Variants in CHRM3 observed in about 807,000 individuals in gnomAD.
CHRM3 encodes muscarinic acetylcholine receptor M3.
A neutral mutation model predicts 41.8 loss-of-function variants in CHRM3; 11 were observed. The ratio of observed to expected loss-of-function variants is 0.26; its 90% CI spans 0.17 to 0.44. The LOEUF (loss-of-function observed/expected upper bound fraction) is 0.44, where lower values mean the gene tolerates loss of function less well. Among genes scored for constraint, CHRM3 ranks in the 20% least tolerant of loss-of-function variants. The probability of loss-of-function intolerance (pLI) is 1.00; values close to 1 mark genes in which losing one functional copy is unlikely to be tolerated. For synonymous variants in CHRM3, 297 were observed against 301.4 expected, an observed-to-expected ratio of 0.99 and a Z score of 0.15; for missense variants, 571 against 745.4, an observed-to-expected ratio of 0.77 and a Z score of 2.72.
intron 5 of CHRM3, among the ~76,000 whole-genome samples, chr1:239,805,283 A>G (rs1289215101): frequency 6.6e-6 from 1 of 152,190 alleles, no homozygotes; most frequent in East Asian, 1.9e-4. Context: ...GTGTTACCTA[A>G]GAGGGATATG....
intron 3 of CHRM3, among the ~76,000 whole-genome samples, chr1:239,603,666 G>A (rs12118974): frequency 0.81 from 123,648 of 151,966 alleles, 52,961 homozygotes; most frequent in Non-Finnish European, 0.93. Flanking sequence ...GGAAATATTA[G>A]ATATTTCATG....
intron 4 of CHRM3, among the ~76,000 whole-genome samples, chr1:239,637,925 AC>A (rs1355613194): frequency 1.3e-5 from 1 of 74,646 alleles, no homozygotes; most frequent in Non-Finnish European, 2.3e-5. Context: ...CCCCCACCCC[AC>A]AACAGTCCCC....
Position 239,386,952 on chromosome 1 carries a change from G to C in CHRM3, c.-796G>C, listed in dbSNP as rs983298720. ...CGCGCGGCCGCAGCTGCCCGCGGGCGGAGCGCTCTCAGACCCCGGAGCGCA... is the reference window on the plus strand; with the variant it reads ...CGCGCGGCCGCAGCTGCCCGCGGGCCGAGCGCTCTCAGACCCCGGAGCGCA... On this transcript the variant is annotated 5_prime_UTR_variant, in exon 1 of 7. Transcript: ENST00000676153. The C allele has an allele frequency of 1.3e-5, 2 of 152,002 alleles. No homozygotes were observed. Among genetic ancestry groups the C allele is most frequent in the African/African-American group, 2.4e-5 (1 of 41,428 alleles). The allele number at this position is 152,002 out of a possible 1,614,324, so 9.4% of individuals were successfully genotyped here.
At chr1:239,644,015 A>G (rs1002275905) in intron 4 of CHRM3, among the ~76,000 whole-genome samples, 7 of 152,228 alleles carry the variant, frequency 4.6e-5, no homozygotes, top group Non-Finnish European at 1.0e-4. Context: ...GTTTCTTGTA[A>G]TTGAAATTAT....
chr1:239,675,978 T>G (rs982996385), intron 4 of CHRM3, among the ~76,000 whole-genome samples: 1 of 152,216 alleles, frequency 6.6e-6, no homozygotes, highest in African/African-American at 2.4e-5. Context: ...TACATGAGCC[T>G]TCTCTCATTA....
At chr1:239,669,189 C>T (rs950058549) in intron 4 of CHRM3, among the ~76,000 whole-genome samples, 1 of 152,042 alleles carries the variant, frequency 6.6e-6, no homozygotes, top group Admixed American at 6.6e-5. Context: ...CGAAGTTAGG[C>T]GAGATTTCTA....
intron 2 of CHRM3, among the ~76,000 whole-genome samples, chr1:239,508,352 A>G (rs1004644447): frequency 1.3e-5 from 2 of 152,210 alleles, no homozygotes; most frequent in Non-Finnish European, 2.9e-5. Flanking sequence ...AGAAGTTCTC[A>G]TTAAAATGTA....
rs149960945 is a variant in CHRM3 at position 239,457,086 on chromosome 1, T to A, written c.-520-35623T>A. 3.6e-3 allele frequency among the ~76,000 whole-genome samples: 555 copies of A among 152,306 alleles called. 4 individuals are homozygous for A. The highest frequency in any genetic ancestry group is 6.8e-3 in the Non-Finnish European group (461 of 68,036). ...CCCCGGAAATCCTCAGCCAGATGCA[T>A]CTTTGACGTTTGCATCATCCTTTCT... On this transcript the variant is annotated intron_variant, in intron 1 of 6. Coordinates refer to ENST00000676153, the MANE Select transcript of CHRM3 (RefSeq NM_001375978.1).
intron 1 of CHRM3, among the ~76,000 whole-genome samples, chr1:239,434,433 A>G (rs1481424684): frequency 6.6e-6 from 1 of 152,140 alleles, no homozygotes; most frequent in African/African-American, 2.4e-5. Context: ...CTCTCTCTCT[A>G]TCTATATAAT....
chr1:239,390,503 G>A (rs1167529841), intron 1 of CHRM3, among the ~76,000 whole-genome samples: 1 of 152,106 alleles, frequency 6.6e-6, no homozygotes, highest in Non-Finnish European at 1.5e-5. Flanking sequence ...CAGATCAAAT[G>A]CTAAGCAGAG....
intron 5 of CHRM3, among the ~76,000 whole-genome samples, chr1:239,800,186 G>A (rs1457801877): frequency 6.6e-6 from 1 of 152,076 alleles, no homozygotes; most frequent in Non-Finnish European, 1.5e-5. Flanking sequence ...AGCTCCCCAG[G>A]TTGAGATCAT....
At chr1:239,889,852 G>C (rs989488275) in intron 6 of CHRM3, among the ~76,000 whole-genome samples, 1 of 152,168 alleles carries the variant, frequency 6.6e-6, no homozygotes, top group African/African-American at 2.4e-5. Context: ...GGCTCAAGGA[G>C]TATAGTGTAC....
At chr1:239,472,249 A>G (rs1053443993) in intron 1 of CHRM3, among the ~76,000 whole-genome samples, 2 of 152,144 alleles carry the variant, frequency 1.3e-5, no homozygotes, top group African/African-American at 4.8e-5. Flanking sequence ...GTCCTCAAGT[A>G]TAGGTACTGA....
intron 5 of CHRM3, among the ~76,000 whole-genome samples, chr1:239,810,334 G>A (rs2148976961): frequency 6.6e-6 from 1 of 152,262 alleles, no homozygotes; most frequent in Non-Finnish European, 1.5e-5. Flanking sequence ...TGCAGAAAGA[G>A]CCACAGACAT....
intron 5 of CHRM3, among the ~76,000 whole-genome samples, chr1:239,759,412 C>T (rs1035139803): frequency 1.3e-5 from 2 of 150,794 alleles, no homozygotes; most frequent in African/African-American, 4.9e-5. Flanking sequence ...ATATAAGTAC[C>T]CTAAACTTTT....
At chr1:239,699,543 C>T (rs972150189) in intron 5 of CHRM3, among the ~76,000 whole-genome samples, 1 of 152,094 alleles carries the variant, frequency 6.6e-6, no homozygotes, top group African/African-American at 2.4e-5. Context: ...CAGACTCGAG[C>T]CATGAGAGAT....
chr1:239,601,853 G>A (rs1333448478), intron 3 of CHRM3, among the ~76,000 whole-genome samples: 2 of 151,702 alleles, frequency 1.3e-5, no homozygotes, highest in Non-Finnish European at 2.9e-5. Flanking sequence ...TCCTAGTGGT[G>A]CAATAACTGT....
chr1:239,680,503 G>A (rs1158148580), intron 5 of CHRM3, among the ~76,000 whole-genome samples: 1 of 152,086 alleles, frequency 6.6e-6, no homozygotes, highest in Non-Finnish European at 1.5e-5. Flanking sequence ...CTATCCAACA[G>A]ATTGCCACCC....
chr1:239,514,247 G>A (rs1367876029), intron 2 of CHRM3, among the ~76,000 whole-genome samples: 2 of 152,068 alleles, frequency 1.3e-5, no homozygotes, highest in East Asian at 3.9e-4. Flanking sequence ...TCACAATATT[G>A]AGTCTTCCTA....
Sources: gnomAD v4.1 joint callset for allele counts (sites outside exome capture counted in the v4.1 genomes callset) on GRCh38, gnomAD v4.1.1 for gene constraint, MANE v1.5 for transcripts, NCBI Gene and HGNC (gene_info 2026-07-23, HGNC 2026-07-21) for gene names.